The following NAA11 variants were observed in gnomAD, a reference collection of about 807,000 sequenced individuals.
NAA11 encodes the protein N-alpha-acetyltransferase 11, NatA catalytic subunit, also known as N-alpha-acetyltransferase 11.
NAA11 carries 15 observed loss-of-function variants against 16.1 expected under a neutral mutation model. That is an observed-to-expected ratio of 0.93 (90% CI 0.62 to 1.44). NAA11 has a LOEUF of 1.44. Ranked by LOEUF, NAA11 falls within the 40% of genes most tolerant of loss-of-function variation. NAA11 has a pLI of 0.00. For synonymous variants in NAA11, 122 were observed against 112.4 expected (o/e 1.09, Z -0.54); for missense variants, 298 against 291.3 (o/e 1.02, Z -0.17).
chr4:79,213,459 A>G, the NAA11 span, among the ~76,000 whole-genome samples: 1 of 152,294 alleles, frequency 6.6e-6, no homozygotes, highest in South Asian at 2.1e-4. Flanking sequence ...CTTTTCCTAA[A>G]ATTAATATTT....
At chr4:79,283,589 G>A (rs1313396493) in intron 2 of NAA11, among the ~76,000 whole-genome samples, 3 of 150,630 alleles carry the variant, frequency 2.0e-5, no homozygotes, top group South Asian at 4.3e-4. Flanking sequence ...TCTGGGTAAC[G>A]AAGAAAATAA....
downstream of NAA11, among the ~76,000 whole-genome samples, chr4:79,311,924 T>G (rs1462943704): frequency 6.6e-6 from 1 of 152,258 alleles, no homozygotes; most frequent in Non-Finnish European, 1.5e-5. Flanking sequence ...ACTCAAATTC[T>G]GCATTCTCAA....
At position 79,272,798 on chromosome 4, in the gene NAA11, A is replaced by G. The variant is rs115270659; in HGVS notation, c.*122+21207T>C. On this transcript the variant is annotated intron_variant and NMD_transcript_variant, in intron 2 of 2. Coordinates refer to the NAA11 transcript ENST00000511542. ...TCACATTCTGTGGGTCAATAATTCA[A>G]GGACAACCTGTCTATACTGCATGAT... Among the ~76,000 whole-genome samples, 1,295 of 152,094 alleles carry G rather than the reference A, an allele frequency of 8.5e-3. 18 individuals carry two copies. Among genetic ancestry groups the G allele is most frequent in the African/African-American group, 0.03 (1,252 of 41,532 alleles).
At chr4:79,253,794 G>A (rs1371038956) in intron 2 of NAA11, among the ~76,000 whole-genome samples, 1 of 152,212 alleles carries the variant, frequency 6.6e-6, no homozygotes, top group Non-Finnish European at 1.5e-5. Flanking sequence ...TAGAAAATGT[G>A]CTTATGCTGA....
At chr4:79,304,611 A>G (rs1040471586) in intron 1 of NAA11, among the ~76,000 whole-genome samples, 1 of 152,242 alleles carries the variant, frequency 6.6e-6, no homozygotes, top group Non-Finnish European at 1.5e-5. Context: ...TGTAAGTCCA[A>G]TATACATATT....
chr4:79,253,467 TC>T (rs1325157596), intron 2 of NAA11, among the ~76,000 whole-genome samples: 3 of 151,952 alleles, frequency 2.0e-5, no homozygotes, highest in Admixed American at 6.5e-5. Flanking sequence ...CATACCAACA[TC>T]CAACCACTAA....
the NAA11 span, among the ~76,000 whole-genome samples, chr4:79,180,372 T>C: frequency 6.6e-6 from 1 of 152,192 alleles, no homozygotes; most frequent in African/African-American, 2.4e-5. Context: ...CTATAGTTTA[T>C]ATAACCAGAG....
chr4:79,205,877 C>T, the NAA11 span, among the ~76,000 whole-genome samples: 2 of 151,842 alleles, frequency 1.3e-5, no homozygotes, highest in African/African-American at 4.8e-5. Context: ...TGTCCTTTTC[C>T]CAGTATATTT....
chr4:79,245,907 A>G (rs1329297271), intron 2 of NAA11, among the ~76,000 whole-genome samples: 1 of 152,264 alleles, frequency 6.6e-6, no homozygotes, highest in East Asian at 1.9e-4. Context: ...AGAACGGGCC[A>G]TGATGACGAT....
the NAA11 span, among the ~76,000 whole-genome samples, chr4:79,209,716 T>G: frequency 6.6e-6 from 1 of 152,276 alleles, no homozygotes; most frequent in Non-Finnish European, 1.5e-5. Flanking sequence ...TACATCAGAT[T>G]CATTGTAACT....
downstream of NAA11, among the ~76,000 whole-genome samples, chr4:79,223,415 T>A (rs1721237295): frequency 6.9e-6 from 1 of 145,428 alleles, no homozygotes; most frequent in African/African-American, 2.5e-5. Flanking sequence ...AAACACCGCA[T>A]ATTCTCACTC....
chr4:79,246,331 C>A (rs1371176740), intron 2 of NAA11, among the ~76,000 whole-genome samples: 2 of 146,330 alleles, frequency 1.4e-5, no homozygotes, highest in Non-Finnish European at 3.0e-5. Flanking sequence ...TATGACCCTG[C>A]CAAATCCCTC....
intron 2 of NAA11, among the ~76,000 whole-genome samples, chr4:79,251,171 T>C (rs1721984282): frequency 6.6e-6 from 1 of 152,186 alleles, no homozygotes; most frequent in African/African-American, 2.4e-5. Context: ...AAGACGCATG[T>C]ACCCTTATGT....
At chr4:79,210,798 A>G in the NAA11 span, among the ~76,000 whole-genome samples, 1 of 152,208 alleles carries the variant, frequency 6.6e-6, no homozygotes, top group Admixed American at 6.5e-5. Flanking sequence ...AAGGCTCTGG[A>G]GGCAGATATA....
chr4:79,269,609 G>C (rs1489250290), intron 2 of NAA11, among the ~76,000 whole-genome samples: 2 of 149,844 alleles, frequency 1.3e-5, no homozygotes, highest in Non-Finnish European at 3.0e-5. Context: ...TTAGCCCTTT[G>C]TCAGATGAGT....
chr4:79,157,621 A>G, the NAA11 span, among the ~76,000 whole-genome samples: 1 of 151,922 alleles, frequency 6.6e-6, no homozygotes, highest in African/African-American at 2.4e-5. Context: ...ATATACACAT[A>G]TGTATATATA....
At chr4:79,309,777 A>G (rs1420404765) in intron 1 of NAA11, among the ~76,000 whole-genome samples, 1 of 129,168 alleles carries the variant, frequency 7.7e-6, no homozygotes, top group Non-Finnish European at 1.5e-5. Context: ...ATGCAGTGGC[A>G]CAATCTCGGC....
chr4:79,167,270 T>TAGAGAGAGAG, the NAA11 span, among the ~76,000 whole-genome samples: 72 of 98,482 alleles, frequency 7.3e-4, no homozygotes, highest in African/African-American at 2.4e-3. Context: ...TATATATATA[T>TAGAGAGAGAG]AGAGAGAGAG....
intron 2 of NAA11, among the ~76,000 whole-genome samples, chr4:79,231,408 G>A (rs903698828): frequency 6.6e-6 from 1 of 151,878 alleles, no homozygotes. Flanking sequence ...AGTTACACTG[G>A]AAAACCTCAG....
Sources: allele counts gnomAD v4.1 joint callset (sites outside exome capture counted in the v4.1 genomes callset), GRCh38; gene constraint gnomAD v4.1.1; transcripts MANE v1.5; gene names NCBI Gene and HGNC (gene_info 2026-07-23, HGNC 2026-07-21).